Variants in EIF4E3 observed in about 807,000 individuals in gnomAD.
EIF4E3 encodes the protein eukaryotic translation initiation factor 4E type 3.
In EIF4E3, 26 loss-of-function variants were observed where a neutral mutation model predicts 31.7. The ratio of observed to expected loss-of-function variants is 0.82; its 90% confidence interval spans 0.60 to 1.14. The LOEUF is 1.14. Ranked by LOEUF, EIF4E3 falls within the 50% of genes most tolerant of loss-of-function variation. The pLI is 0.00. For missense variants in EIF4E3, 304 were observed against 270.9 expected (o/e 1.12, Z -0.86); for synonymous variants, 128 against 107.7 (o/e 1.19, Z -1.17).
the EIF4E3 span, among the ~76,000 whole-genome samples, chr3:71,659,808 TG>T: frequency 1.3e-5 from 2 of 152,230 alleles, no homozygotes; most frequent in Non-Finnish European, 2.9e-5. Context: ...GATAGTCACC[TG>T]GGGGCAGGAG....
downstream of EIF4E3, among the ~76,000 whole-genome samples, chr3:71,674,252 G>A (rs181268974): frequency 2.0e-3 from 298 of 151,282 alleles, 6 homozygotes; most frequent in Admixed American, 1.1e-3. Context: ...AATTACAGTC[G>A]TGCACCACCA....
At chr3:71,709,679 CCAGTTGTGTTTTTT>C (rs1018107939) in intron 2 of EIF4E3, among the ~76,000 whole-genome samples, 8 of 152,120 alleles carry the variant, frequency 5.3e-5, no homozygotes, top group Non-Finnish European at 1.0e-4. Flanking sequence ...CTACGCCTGG[CCAGTTGTGTTTTTT>C]CAGTTGTGTT....
At chr3:71,674,381 ACAGGC>A (rs1327464230), downstream of EIF4E3, among the ~76,000 whole-genome samples, 1 of 152,092 alleles carries the variant, frequency 6.6e-6, no homozygotes, top group East Asian at 1.9e-4. Context: ...TGCTGAGATT[ACAGGC>A]ATGAGCCACT....
intron 1 of EIF4E3, among the ~76,000 whole-genome samples, chr3:71,732,727 T>A (rs559811811): frequency 1.3e-5 from 2 of 152,320 alleles, no homozygotes; most frequent in East Asian, 3.9e-4. Context: ...GGCCTCAAAT[T>A]GGTCTTCAGC....
chr3:71,694,094 T>C (rs1254796011), intron 4 of EIF4E3, among the ~76,000 whole-genome samples, 153 bp from the exon 5 acceptor site: 1 of 152,264 alleles, frequency 6.6e-6, no homozygotes, highest in Non-Finnish European at 1.5e-5. Context: ...AAATCCTAGG[T>C]GCAAACACTT....
upstream of EIF4E3, chr3:71,754,462 C>T: frequency 7.5e-7 from 1 of 1,333,712 alleles, no homozygotes; most frequent in Non-Finnish European, 9.6e-7. This position sits in a 1 kb window ranked among gnomAD's most constrained non-coding sequence, Gnocchi z 5.8. Context: ...GCCGGCTGGC[C>T]GTGCGCCGCC....
chr3:71,717,536 A>G (rs116181520), intron 1 of EIF4E3, among the ~76,000 whole-genome samples: 1,865 of 152,280 alleles, frequency 0.012, 32 homozygotes, highest in African/African-American at 0.043. Context: ...ATCATCTCCC[A>G]TGAAACTGGC....
chr3:71,684,619 C>CT lies in EIF4E3; in HGVS notation c.*62dup, dbSNP rs2048966162. ...TCGGCAAGTCTTCTCTTCACTCTCC[C>CT]TCCTGTTAAGACCGTTTCCAAAACC... On this transcript the variant is annotated 3_prime_UTR_variant, in exon 7 of 7. Coordinates refer to ENST00000425534, the MANE Select transcript of EIF4E3 (RefSeq NM_001134651.2). The CT allele has an allele frequency of 6.3e-7, 1 of 1,599,902 alleles. No individual in the cohort carries two copies. Among genetic ancestry groups the CT allele is most frequent in the Admixed American group, 1.7e-5 (1 of 59,602 alleles).
At chr3:71,699,818 T>C in intron 2 of EIF4E3, 110 bp from the exon 3 acceptor site, 1 of 839,186 alleles carries the variant, frequency 1.2e-6, no homozygotes. Flanking sequence ...CATTGTTTTA[T>C]CCATTCAAAA....
upstream of EIF4E3, chr3:71,754,382 C>T (rs1400832393): frequency 2.2e-6 from 3 of 1,343,128 alleles, no homozygotes; most frequent in South Asian, 1.7e-5. The surrounding 1 kb of genome is among the most constrained non-coding windows in gnomAD (Gnocchi z 5.8). Flanking sequence ...ACGCCGCCTT[C>T]CTGCTGCTGG....
At chr3:71,705,113 CT>C (rs893759805) in intron 2 of EIF4E3, among the ~76,000 whole-genome samples, 14 of 152,176 alleles carry the variant, frequency 9.2e-5, no homozygotes, top group African/African-American at 3.4e-4. Flanking sequence ...AGGCCCCTCC[CT>C]TCAGCCAAGT....
At chr3:71,753,400 C>G (rs1425130807) in intron 1 of EIF4E3, 10 of 152,362 alleles carry the variant, frequency 6.6e-5, no homozygotes. Flanking sequence ...CCAGCCCAGG[C>G]AACCTCCCCC....
chr3:71,720,357 G>A lies in EIF4E3; in HGVS notation c.176+4835C>T, dbSNP rs558528930. The stretch of plus-strand genomic sequence containing the variant: ...ACTACAGGCTCTTGCCACCATGCCC[G>A]GCTAATTTTTTTTTTAAAATAGAGA... On this transcript the variant is annotated intron_variant, in intron 1 of 6. Transcript: ENST00000425534. 5.9e-5 allele frequency among the ~76,000 whole-genome samples: 9 copies of A among 151,924 alleles called. 1 individual carries two copies. The highest frequency in any genetic ancestry group is 3.9e-4 in the East Asian group (2 of 5,160).
At chr3:71,709,506 A>C (rs892945060) in intron 2 of EIF4E3, among the ~76,000 whole-genome samples, 1 of 152,160 alleles carries the variant, frequency 6.6e-6, no homozygotes, top group African/African-American at 2.4e-5. Flanking sequence ...CAGCCTCCCA[A>C]GTAGCTGGGA....
chr3:71,690,431 T>C (rs768392042), intron 5 of EIF4E3, among the ~76,000 whole-genome samples: 4 of 152,192 alleles, frequency 2.6e-5, no homozygotes, highest in Non-Finnish European at 4.4e-5. Flanking sequence ...GATAAGTAAT[T>C]TACCCTTTTT....
intron 5 of EIF4E3, among the ~76,000 whole-genome samples, chr3:71,692,408 CTT>C (rs1655263845): frequency 6.6e-6 from 1 of 152,172 alleles, no homozygotes; most frequent in Admixed American, 6.5e-5. Context: ...TTTATTACCA[CTT>C]AGACTATTTT....
rs975684383 is a variant in EIF4E3 at position 71,683,785 on chromosome 3, C to A, written c.*897G>T. ...TTAGCGTTGACTGGGAAAGAAAGCC[C>A]TAAGTGGGTAAACACACCCGAACTT... On this transcript the variant is annotated 3_prime_UTR_variant, in exon 7 of 7. Coordinates refer to ENST00000425534, the MANE Select transcript of EIF4E3 (RefSeq NM_001134651.2). 3.9e-5 allele frequency: 6 copies of A among 152,150 alleles called. No homozygotes were observed. The highest frequency in any genetic ancestry group is 1.2e-4 in the African/African-American group (5 of 41,434). 9.4% of individuals were successfully genotyped at this position (152,150 alleles called of 1,614,324 possible).
intron 4 of EIF4E3, among the ~76,000 whole-genome samples, chr3:71,696,042 C>A (rs2049131303): frequency 6.6e-6 from 1 of 152,326 alleles, no homozygotes. Flanking sequence ...TTCTCTGTGA[C>A]ATGGTCATTC....
chr3:71,674,967 T>A (rs1186407245), downstream of EIF4E3, among the ~76,000 whole-genome samples: 1 of 152,168 alleles, frequency 6.6e-6, no homozygotes, highest in Non-Finnish European at 1.5e-5. Context: ...TTGCGTCAGT[T>A]TGCTTTCTTT....
Sources: allele counts gnomAD v4.1 joint callset (sites outside exome capture counted in the v4.1 genomes callset), GRCh38; gene constraint gnomAD v4.1.1; non-coding constraint Gnocchi (gnomAD v3.1); transcripts MANE v1.5; gene names NCBI Gene and HGNC (gene_info 2026-07-23, HGNC 2026-07-21).